The following PPP3CA variants were observed in gnomAD, a reference collection of about 807,000 sequenced individuals.
The protein encoded by PPP3CA is protein phosphatase 3 catalytic subunit alpha, also known as CAM-PRP catalytic subunit.
In PPP3CA, 14 loss-of-function variants were observed where a neutral mutation model predicts 66.5. That is an observed-to-expected ratio of 0.21 (90% CI 0.14 to 0.33). PPP3CA has a LOEUF of 0.33. PPP3CA is among the 10% of genes least tolerant of loss of function. The probability of loss-of-function intolerance (pLI) is 1.00; values close to 1 mark genes in which losing one functional copy is unlikely to be tolerated. For missense variants in PPP3CA, 317 were observed against 639.5 expected, an observed-to-expected ratio of 0.50 and a Z score of 5.44; for synonymous variants, 232 against 226.2, an observed-to-expected ratio of 1.03 and a Z score of -0.23.
intron 12 of PPP3CA, 122 bp from the exon 13 acceptor site, chr4:101,029,317 A>C (rs1329454737): frequency 4.7e-6 from 2 of 421,526 alleles, no homozygotes; most frequent in African/African-American, 2.3e-5. Flanking sequence ...TAAGTGCTAG[A>C]TTCTGGCACA....
chr4:101,063,480 T>C, intron 8 of PPP3CA, 123 bp from the exon 9 acceptor site: 1 of 1,129,042 alleles, frequency 8.9e-7, no homozygotes, highest in Non-Finnish European at 1.2e-6. Context: ...GGCTCACACC[T>C]TAGGCATCCC....
intron 2 of PPP3CA, among the ~76,000 whole-genome samples, chr4:101,156,295 A>G (rs567800863): frequency 2.2e-4 from 34 of 152,340 alleles, no homozygotes; most frequent in Admixed American, 2.0e-3. Flanking sequence ...CCCAGAAGGC[A>G]TAAAGAGAGA....
At chr4:101,306,878 A>C (rs73835924) in intron 1 of PPP3CA, among the ~76,000 whole-genome samples, 15,681 of 152,068 alleles carry the variant, frequency 0.1, 2,752 homozygotes, top group African/African-American at 0.36. Flanking sequence ...AGATGTGAGA[A>C]TTACAGCACA....
chr4:101,087,325 CA>C (rs1460774438), intron 6 of PPP3CA, among the ~76,000 whole-genome samples: 1 of 152,138 alleles, frequency 6.6e-6, no homozygotes, highest in Non-Finnish European at 1.5e-5. Flanking sequence ...TTATTTAAGG[CA>C]AACTTTTTAG....
At chr4:101,093,604 T>A (rs991372269) in intron 6 of PPP3CA, among the ~76,000 whole-genome samples, 172 bp downstream of exon 6, 9 of 152,216 alleles carry the variant, frequency 5.9e-5, no homozygotes, top group African/African-American at 2.2e-4. Flanking sequence ...CTATTTCACA[T>A]TTATTTACTC....
chr4:101,278,122 T>TAAAAAAA (rs3077992), intron 1 of PPP3CA, among the ~76,000 whole-genome samples: 3,529 of 111,274 alleles, frequency 0.032, 89 homozygotes, highest in East Asian at 0.072. Flanking sequence ...AAGCTATTAG[T>TAAAAAAA]AAAAAAAAAA....
At chr4:101,254,537 A>C (rs933347354) in intron 1 of PPP3CA, among the ~76,000 whole-genome samples, 2 of 151,928 alleles carry the variant, frequency 1.3e-5, no homozygotes, top group Non-Finnish European at 2.9e-5. Context: ...TCCTGACAAT[A>C]TCTCTAAGAA....
intron 1 of PPP3CA, among the ~76,000 whole-genome samples, chr4:101,315,714 T>A (rs1343341353): frequency 6.6e-6 from 1 of 152,194 alleles, no homozygotes; most frequent in Admixed American, 6.5e-5. Flanking sequence ...TCAAAGTGGG[T>A]AATCTAGCCT....
intron 2 of PPP3CA, among the ~76,000 whole-genome samples, chr4:101,172,042 A>G (rs1723900095): frequency 6.6e-6 from 1 of 152,166 alleles, no homozygotes. Flanking sequence ...GACTTAATCC[A>G]GAGCATTAGT....
rs868725286 is a variant in PPP3CA at position 101,106,400 on chromosome 4, A to G, written c.384+2554T>C. Among the ~76,000 whole-genome samples the G allele has an allele frequency of 7.6e-3, 61 of 8,000 alleles. 2 individuals are homozygous for G. Among genetic ancestry groups the G allele is most frequent in the South Asian group, 0.022 (3 of 136 alleles). The allele number at this position is 8,000 out of a possible 152,430, so 5.2% of individuals were successfully genotyped here. A position where few individuals can be genotyped will look rare whatever the true frequency, so the allele number is the denominator to read the frequency against. On this transcript the variant is annotated intron_variant, in intron 3 of 13. Transcript: ENST00000394854. ...AAGAAAGAAAGAAAGAAAGAAAGAA[A>G]GAAAGAAAGAAAGAAAGAAAGAAAG...
At chr4:101,278,675 G>A (rs1324811052) in intron 1 of PPP3CA, among the ~76,000 whole-genome samples, 3 of 152,204 alleles carry the variant, frequency 2.0e-5, no homozygotes, top group African/African-American at 4.8e-5. Context: ...TAGGGTTTGC[G>A]TGGGCAGTCC....
At chr4:101,290,960 G>T (rs1341259039) in intron 1 of PPP3CA, among the ~76,000 whole-genome samples, 1 of 152,208 alleles carries the variant, frequency 6.6e-6, no homozygotes, top group Non-Finnish European at 1.5e-5. Flanking sequence ...ATTTTGGTGT[G>T]AACAGGCAAG....
intron 1 of PPP3CA, among the ~76,000 whole-genome samples, chr4:101,298,885 G>A (rs1560705428): frequency 7.2e-6 from 1 of 138,762 alleles, no homozygotes; most frequent in Non-Finnish European, 1.6e-5. Context: ...GTGTGTGTGT[G>A]TATACACTCA....
At chr4:101,056,279 A>C (rs1728219681) in intron 10 of PPP3CA, among the ~76,000 whole-genome samples, 1 of 152,220 alleles carries the variant, frequency 6.6e-6, no homozygotes. Flanking sequence ...AACATAAAGG[A>C]CAGTTAATAA....
chr4:101,139,283 C>G (rs1722720790), intron 2 of PPP3CA, among the ~76,000 whole-genome samples: 1 of 147,640 alleles, frequency 6.8e-6, no homozygotes, highest in African/African-American at 2.5e-5. Flanking sequence ...GGAGGCGGAG[C>G]TTGCAGGGAG....
At chr4:101,233,576 T>C (rs1333046398) in intron 1 of PPP3CA, among the ~76,000 whole-genome samples, 2 of 151,786 alleles carry the variant, frequency 1.3e-5, no homozygotes, top group Non-Finnish European at 2.9e-5. Flanking sequence ...ATTCAGCCTA[T>C]AATGTTTACT....
At chr4:101,256,390 A>T (rs1349536997) in intron 1 of PPP3CA, among the ~76,000 whole-genome samples, 2 of 152,024 alleles carry the variant, frequency 1.3e-5, no homozygotes, top group Non-Finnish European at 2.9e-5. Flanking sequence ...TGGATGATTT[A>T]CAACAGGTTG....
intron 2 of PPP3CA, among the ~76,000 whole-genome samples, chr4:101,115,214 G>C (rs935633232): frequency 6.6e-6 from 1 of 151,956 alleles, no homozygotes; most frequent in Non-Finnish European, 1.5e-5. Flanking sequence ...GTCACAGGGC[G>C]AGTCTAAGAA....
intron 1 of PPP3CA, among the ~76,000 whole-genome samples, chr4:101,291,023 T>A (rs1244133862): frequency 6.6e-6 from 1 of 152,162 alleles, no homozygotes; most frequent in Non-Finnish European, 1.5e-5. Context: ...CCATCGTAAG[T>A]AGGAAAGCAC....
Sources: allele counts gnomAD v4.1 joint callset (sites outside exome capture counted in the v4.1 genomes callset), GRCh38; gene constraint gnomAD v4.1.1; transcripts MANE v1.5; gene names NCBI Gene and HGNC (gene_info 2026-07-23, HGNC 2026-07-21).